Variants in KLRG1 observed in about 807,000 individuals in gnomAD.
KLRG1 encodes the protein killer cell lectin like receptor G1.
Under a neutral mutation model 21.8 loss-of-function variants are expected in KLRG1, and 16 were observed. That is an observed-to-expected ratio of 0.73 (90% CI 0.50 to 1.11). The LOEUF (loss-of-function observed/expected upper bound fraction) is 1.11. KLRG1 is among the 50% of genes most tolerant of loss of function. The probability of loss-of-function intolerance (pLI) is 0.00; values close to 1 mark genes in which losing one functional copy is unlikely to be tolerated. For synonymous variants in KLRG1, 69 were observed against 75.9 expected, an observed-to-expected ratio of 0.91 and a Z score of 0.47; for missense variants, 173 against 218.3, an observed-to-expected ratio of 0.79 and a Z score of 1.31.
At chr12:8,981,661 T>G (rs776667674) in intron 1 of KLRG1, among the ~76,000 whole-genome samples, 10 of 152,278 alleles carry the variant, frequency 6.6e-5, no homozygotes, top group African/African-American at 2.4e-4. Flanking sequence ...GTATGTAATA[T>G]ATCTTTGCGA....
At chr12:9,066,066 C>T in the KLRG1 span, 2 of 152,922 alleles carry the variant, frequency 1.3e-5, no homozygotes, top group African/African-American at 4.8e-5. Flanking sequence ...TGCAGGTCTC[C>T]TTCCTCTTCA....
At chr12:8,960,623 C>T (rs1946366615) in intron 1 of KLRG1, among the ~76,000 whole-genome samples, 1 of 152,128 alleles carries the variant, frequency 6.6e-6, no homozygotes, top group South Asian at 2.1e-4. Context: ...CACATTTTTG[C>T]ATGTCTTTCA....
At chr12:9,004,119 T>A (rs1947394019) in intron 3 of KLRG1, among the ~76,000 whole-genome samples, 1 of 152,092 alleles carries the variant, frequency 6.6e-6, no homozygotes, top group African/African-American at 2.4e-5. Context: ...GACATTTGGG[T>A]TGGTTCCAAG....
At chr12:8,959,271 A>G (rs1265406453) in intron 1 of KLRG1, among the ~76,000 whole-genome samples, 1 of 152,190 alleles carries the variant, frequency 6.6e-6, no homozygotes. Flanking sequence ...CAAGATTTAG[A>G]GCTTCTCCAA....
the KLRG1 span, among the ~76,000 whole-genome samples, chr12:9,100,613 G>A: frequency 6.6e-6 from 1 of 151,756 alleles, no homozygotes; most frequent in Non-Finnish European, 1.5e-5. Context: ...AAGAAAATAG[G>A]CTGAAAAAAA....
At chr12:8,964,590 T>G (rs1186880775) in intron 1 of KLRG1, among the ~76,000 whole-genome samples, 22 of 151,796 alleles carry the variant, frequency 1.4e-4, no homozygotes, top group Admixed American at 1.4e-3. Context: ...CTGGGTATCC[T>G]TGTTAACTTT....
the KLRG1 span, chr12:9,150,781 A>G: frequency 7.3e-7 from 1 of 1,362,468 alleles, no homozygotes; most frequent in Non-Finnish European, 1.0e-6. Flanking sequence ...AAGAACCTAG[A>G]AAACCTCCTT....
At chr12:9,008,252 A>G (rs1947532314) in intron 3 of KLRG1, among the ~76,000 whole-genome samples, 1 of 152,240 alleles carries the variant, frequency 6.6e-6, no homozygotes, top group African/African-American at 2.4e-5. Flanking sequence ...TCTGCAGCAA[A>G]TGTTTAGCTT....
chr12:9,168,780 A>G, the KLRG1 span: 2 of 967,146 alleles, frequency 2.1e-6, no homozygotes, highest in South Asian at 2.9e-5. Flanking sequence ...TATAAAGTGG[A>G]AATAGGGCTA....
chr12:9,179,300 A>G, the KLRG1 span, among the ~76,000 whole-genome samples: 1 of 152,080 alleles, frequency 6.6e-6, no homozygotes, highest in Non-Finnish European at 1.5e-5. Context: ...ATCCACCTAT[A>G]TCCTTTTTTA....
At chr12:9,067,918 G>A in the KLRG1 span, 5 of 1,350,458 alleles carry the variant, frequency 3.7e-6, no homozygotes, top group South Asian at 3.7e-5. Context: ...TTAGTTCTGG[G>A]TAGCATAGTG....
chr12:9,043,621 G>T, the KLRG1 span, among the ~76,000 whole-genome samples: 1 of 152,146 alleles, frequency 6.6e-6, no homozygotes, highest in East Asian at 1.9e-4. Context: ...GTTTCCAAAG[G>T]TGGCCACAAT....
chr12:9,117,723 T>C, the KLRG1 span, among the ~76,000 whole-genome samples: 1 of 152,186 alleles, frequency 6.6e-6, no homozygotes, highest in Non-Finnish European at 1.5e-5. Flanking sequence ...CTACTAGAAA[T>C]AGAATGTGAT....
At chr12:9,072,552 C>T in the KLRG1 span, 1 of 1,601,058 alleles carries the variant, frequency 6.2e-7, no homozygotes, top group South Asian at 1.1e-5. Context: ...ACGTCCCTAA[C>T]CCTTTCTCTG....
the KLRG1 span, chr12:9,158,536 A>C: frequency 1.2e-6 from 2 of 1,614,140 alleles, no homozygotes; most frequent in Non-Finnish European, 1.7e-6. Flanking sequence ...AAGATGTAGG[A>C]TCGAGCCTGG....
the KLRG1 span, among the ~76,000 whole-genome samples, chr12:9,053,641 G>A: frequency 6.6e-6 from 1 of 152,252 alleles, no homozygotes; most frequent in Non-Finnish European, 1.5e-5. Flanking sequence ...AACCCAGCTT[G>A]CAGCACACTC....
the KLRG1 span, among the ~76,000 whole-genome samples, chr12:9,088,911 T>G: frequency 6.6e-6 from 1 of 152,208 alleles, no homozygotes; most frequent in Non-Finnish European, 1.5e-5. Context: ...TTGGTAATAT[T>G]AATTTTGATT....
the KLRG1 span, among the ~76,000 whole-genome samples, chr12:9,136,536 T>G: frequency 6.6e-6 from 1 of 152,174 alleles, no homozygotes; most frequent in Non-Finnish European, 1.5e-5. Flanking sequence ...TGCATATATG[T>G]GTGCATATAT....
the KLRG1 span, among the ~76,000 whole-genome samples, chr12:9,102,141 G>C: frequency 6.6e-6 from 1 of 152,250 alleles, no homozygotes. Flanking sequence ...GACATTGGTA[G>C]AAAGCATTGG....
Sources: allele counts gnomAD v4.1 joint callset (sites outside exome capture counted in the v4.1 genomes callset), GRCh38; gene constraint gnomAD v4.1.1; transcripts MANE v1.5; gene names NCBI Gene and HGNC (gene_info 2026-07-23, HGNC 2026-07-21).